The following TNRC6B variants were observed in gnomAD, a reference collection of about 807,000 sequenced individuals.
TNRC6B encodes the protein trinucleotide repeat-containing gene 6B protein.
A neutral mutation model predicts 203.6 loss-of-function variants in TNRC6B; 52 were observed. The ratio of observed to expected loss-of-function variants is 0.26; its 90% CI spans 0.20 to 0.32. The LOEUF (loss-of-function observed/expected upper bound fraction) is 0.32, where lower values mean the gene tolerates loss of function less well. Ranked by LOEUF, TNRC6B falls within the 10% of genes least tolerant of loss-of-function variation. The probability of loss-of-function intolerance (pLI) is 1.00; values close to 1 mark genes in which losing one functional copy is unlikely to be tolerated. For synonymous variants in TNRC6B, 838 were observed against 845.7 expected (o/e 0.99, Z 0.16); for missense variants, 1,923 against 2,286.2 (o/e 0.84, Z 3.24).
chr22:40,206,128 A>G (rs1601882609), intron 1 of TNRC6B, among the ~76,000 whole-genome samples: 1 of 152,276 alleles, frequency 6.6e-6, no homozygotes, highest in East Asian at 1.9e-4. Context: ...GAGCCCAGAA[A>G]TATATTTTTT....
At chr22:40,277,916 G>A (rs1410532413) in intron 8 of TNRC6B, 83 bp from the exon 9 acceptor site, 16 of 1,018,260 alleles carry the variant, frequency 1.6e-5, no homozygotes, top group East Asian at 5.2e-5. Context: ...GTAGTAAGAC[G>A]TGGCTCTCAG....
At chr22:40,177,349 G>A (rs1432617536), upstream of TNRC6B, among the ~76,000 whole-genome samples, 1 of 152,132 alleles carries the variant, frequency 6.6e-6, no homozygotes, top group African/African-American at 2.4e-5. Flanking sequence ...GTTCAGAATT[G>A]GGAAACCAGT....
At chr22:40,273,187 T>C (rs1380098919) in intron 6 of TNRC6B, among the ~76,000 whole-genome samples, 1 of 152,208 alleles carries the variant, frequency 6.6e-6, no homozygotes, top group Non-Finnish European at 1.5e-5. Context: ...GGAAAAAGCA[T>C]TGATCCATAA....
chr22:40,089,336 G>A (rs1294193539), intron 1 of TNRC6B, among the ~76,000 whole-genome samples: 1 of 151,912 alleles, frequency 6.6e-6, no homozygotes, highest in Non-Finnish European at 1.5e-5. Context: ...GTGTTCAAGC[G>A]ATTCTCTTGC....
chr22:40,156,704 T>C (rs1266437557), intron 4 of TNRC6B, among the ~76,000 whole-genome samples: 1 of 151,310 alleles, frequency 6.6e-6, no homozygotes, highest in African/African-American at 2.4e-5. Context: ...ACATTCCAAA[T>C]AATTCAGGAT....
At chr22:40,303,989 T>A (rs1365215841) in intron 15 of TNRC6B, among the ~76,000 whole-genome samples, 1 of 152,220 alleles carries the variant, frequency 6.6e-6, no homozygotes, top group Non-Finnish European at 1.5e-5. Flanking sequence ...AAAGTTAGAT[T>A]TGGCTGCCTG....
chr22:40,191,416 C>T (rs2069271558), intron 1 of TNRC6B, among the ~76,000 whole-genome samples: 1 of 152,026 alleles, frequency 6.6e-6, no homozygotes, highest in African/African-American at 2.4e-5. Context: ...TGCTCTGTTT[C>T]AGGCAGAAGA....
chr22:40,055,090 A>G (rs2067781862), intron 1 of TNRC6B, among the ~76,000 whole-genome samples: 1 of 152,160 alleles, frequency 6.6e-6, no homozygotes, highest in South Asian at 2.1e-4. Context: ...CTCTCACTAA[A>G]CATTTGAATG....
upstream of TNRC6B, among the ~76,000 whole-genome samples, chr22:40,173,110 T>C (rs1470822453): frequency 1.3e-5 from 2 of 152,156 alleles, no homozygotes; most frequent in Admixed American, 6.5e-5. Flanking sequence ...AATATAGTTT[T>C]TGGTTTTGTT....
At chr22:40,238,962 G>A (rs963333764) in intron 1 of TNRC6B, among the ~76,000 whole-genome samples, 32 of 151,872 alleles carry the variant, frequency 2.1e-4, no homozygotes, top group African/African-American at 7.5e-4. Flanking sequence ...TAGCACTTTG[G>A]GAGGCCAAGG....
rs1302407054 is a variant in TNRC6B at position 40,332,468 on chromosome 22, A to C, written c.*9227A>C. The C allele has an allele frequency of 6.6e-6, 1 of 152,620 alleles. No homozygotes were observed. Among genetic ancestry groups the C allele is most frequent in the Non-Finnish European group, 1.5e-5 (1 of 68,036 alleles). 9.5% of individuals were successfully genotyped at this position (152,620 alleles called of 1,614,324 possible). ...CATAGCGCCTGCATTGCTCTGGTCT[A>C]GGCATTATTTGCAACACACAGTATC... On this transcript the variant is annotated 3_prime_UTR_variant, in exon 23 of 23. Coordinates refer to ENST00000454349, the MANE Select transcript of TNRC6B (RefSeq NM_001162501.2).
intron 1 of TNRC6B, among the ~76,000 whole-genome samples, chr22:40,047,847 C>T (rs2067704701): frequency 6.6e-6 from 1 of 152,210 alleles, no homozygotes; most frequent in African/African-American, 2.4e-5. Flanking sequence ...TTCTATCCAG[C>T]ACAGTGCTTG....
chr22:40,316,363 A>G (rs1246245751), intron 21 of TNRC6B, among the ~76,000 whole-genome samples: 1 of 151,162 alleles, frequency 6.6e-6, no homozygotes, highest in Non-Finnish European at 1.5e-5. Context: ...CAAAAAAAAA[A>G]ACAAAAAAAA....
At chr22:40,132,767 C>T (rs1355922596) in intron 3 of TNRC6B, among the ~76,000 whole-genome samples, 4 of 139,364 alleles carry the variant, frequency 2.9e-5, no homozygotes, top group South Asian at 2.4e-4. Flanking sequence ...CACAGTGAAA[C>T]GCCATCTCTA....
chr22:40,195,261 C>T (rs2069322300), intron 1 of TNRC6B, among the ~76,000 whole-genome samples: 1 of 152,084 alleles, frequency 6.6e-6, no homozygotes, highest in Admixed American at 6.5e-5. Flanking sequence ...TCTTACATGC[C>T]AAGGAAGTTT....
chr22:40,179,926 T>C (rs2069110507), intron 1 of TNRC6B, among the ~76,000 whole-genome samples: 1 of 152,220 alleles, frequency 6.6e-6, no homozygotes, highest in Non-Finnish European at 1.5e-5. Context: ...CAAGCAAGGA[T>C]TTTATTATTT....
chr22:40,214,922 AATT>A (rs1432221534), intron 1 of TNRC6B, among the ~76,000 whole-genome samples: 1 of 152,206 alleles, frequency 6.6e-6, no homozygotes, highest in Non-Finnish European at 1.5e-5. Context: ...CAAACAAAAA[AATT>A]GAATAAAGCA....
At position 40,090,710 on chromosome 22, in the gene TNRC6B, A is replaced by C. The variant is rs1381085899; in HGVS notation, c.-120-26345A>C. Among the ~76,000 whole-genome samples, 4 of 152,316 alleles carry C rather than the reference A, an allele frequency of 2.6e-5. No homozygotes were observed. In the East Asian group the frequency reaches 7.7e-4, roughly 29 times the overall value. On this transcript the variant is annotated intron_variant, in intron 1 of 23. Transcript: ENST00000301923. ...ATTATTGATATATTTTATCTTAGAC[A>C]AAAAACACCTCCTAACCCATTCAAT...
intron 4 of TNRC6B, among the ~76,000 whole-genome samples, chr22:40,158,107 G>A (rs909757499): frequency 3.9e-5 from 6 of 152,118 alleles, no homozygotes; most frequent in African/African-American, 1.4e-4. Context: ...GGAGGCCAAG[G>A]CGAGTGGATC....
Sources: allele counts gnomAD v4.1 joint callset (sites outside exome capture counted in the v4.1 genomes callset), GRCh38; gene constraint gnomAD v4.1.1; transcripts MANE v1.5; gene names NCBI Gene and HGNC (gene_info 2026-07-23, HGNC 2026-07-21).